The following STK33 variants were observed in gnomAD, a reference collection of about 807,000 sequenced individuals.
STK33 encodes serine/threonine-protein kinase 33.
A neutral mutation model predicts 58.0 loss-of-function variants in STK33; 52 were observed. That is an observed-to-expected ratio of 0.90 (90% CI 0.72 to 1.13). STK33 has a LOEUF of 1.13. STK33 is among the 50% of genes most tolerant of loss of function. The pLI is 0.00. For synonymous variants in STK33, 215 were observed against 200.1 expected (o/e 1.07, Z -0.63); for missense variants, 630 against 604.2 (o/e 1.04, Z -0.45).
chr11:8,428,131 A>G (rs1005173735), intron 14 of STK33, among the ~76,000 whole-genome samples: 1 of 152,212 alleles, frequency 6.6e-6, no homozygotes, highest in Non-Finnish European at 1.5e-5. Flanking sequence ...AGGAGGAGGT[A>G]CTCCTAAAGT....
intron 14 of STK33, among the ~76,000 whole-genome samples, chr11:8,420,999 G>A: frequency 6.6e-6 from 1 of 151,256 alleles, no homozygotes; most frequent in South Asian, 2.1e-4. Context: ...AAAAAGGGGA[G>A]GGGGGGAATA....
At chr11:8,458,235 G>A (rs745631629) in intron 8 of STK33, among the ~76,000 whole-genome samples, 10 of 152,136 alleles carry the variant, frequency 6.6e-5, no homozygotes, top group Non-Finnish European at 1.3e-4. Context: ...TGAAGGCCAT[G>A]GAGTCTCTTT....
chr11:8,380,168 T>C, the STK33 span, among the ~76,000 whole-genome samples: 1 of 152,314 alleles, frequency 6.6e-6, no homozygotes, highest in Non-Finnish European at 1.5e-5. Flanking sequence ...CTGGGTTGAA[T>C]GGTATTTGTG....
chr11:8,489,257 CA>C (rs377017514), intron 1 of STK33, among the ~76,000 whole-genome samples: 128 of 64,334 alleles, frequency 2.0e-3, no homozygotes, highest in Non-Finnish European at 2.9e-3. Flanking sequence ...AAGCTATCTC[CA>C]AAAAAAAAAA....
chr11:8,453,611 G>T (rs1463570616), intron 10 of STK33, among the ~76,000 whole-genome samples: 1 of 152,190 alleles, frequency 6.6e-6, no homozygotes, highest in Non-Finnish European at 1.5e-5. Context: ...TAAACATTTA[G>T]TTATTAAATA....
At chr11:8,521,056 T>A (rs1312226969) in intron 1 of STK33, among the ~76,000 whole-genome samples, 1 of 150,394 alleles carries the variant, frequency 6.6e-6, no homozygotes, top group South Asian at 2.1e-4. Flanking sequence ...AAATTATTTA[T>A]AATTTATAAT....
the STK33 span, among the ~76,000 whole-genome samples, chr11:8,384,785 C>T: frequency 6.6e-6 from 1 of 152,182 alleles, no homozygotes; most frequent in East Asian, 1.9e-4. Context: ...CTTACCCTGC[C>T]CCCTTGCCTT....
downstream of STK33, among the ~76,000 whole-genome samples, chr11:8,389,718 GAATT>G (rs1848591609): frequency 6.6e-6 from 1 of 152,174 alleles, no homozygotes; most frequent in Admixed American, 6.5e-5. Context: ...GAGTCAAATA[GAATT>G]ATTTAAACAA....
At chr11:8,358,844 A>G in the STK33 span, among the ~76,000 whole-genome samples, 4 of 152,212 alleles carry the variant, frequency 2.6e-5, no homozygotes, top group African/African-American at 9.7e-5. Flanking sequence ...CTTCCCACAT[A>G]GTTATTAATT....
At chr11:8,391,715 A>C (rs990202926), downstream of STK33, among the ~76,000 whole-genome samples, 3 of 152,222 alleles carry the variant, frequency 2.0e-5, no homozygotes, top group Non-Finnish European at 2.9e-5. Context: ...ATGTCTATAA[A>C]GCTAAGAGAA....
At chr11:8,335,196 C>T in the STK33 span, among the ~76,000 whole-genome samples, 3 of 152,194 alleles carry the variant, frequency 2.0e-5, no homozygotes, top group African/African-American at 7.2e-5. Context: ...ACCCTCAGCT[C>T]AGGCAACTCT....
the STK33 span, among the ~76,000 whole-genome samples, chr11:8,384,549 T>C: frequency 7.9e-5 from 12 of 152,370 alleles, no homozygotes; most frequent in African/African-American, 2.4e-4. Context: ...TGTTCACTTT[T>C]ATGTTCCGCC....
intron 1 of STK33, among the ~76,000 whole-genome samples, chr11:8,509,470 T>C (rs1447494591): frequency 1.3e-5 from 2 of 152,198 alleles, no homozygotes; most frequent in Non-Finnish European, 2.9e-5. Context: ...AATCTAATGA[T>C]GAATATGTTT....
intron 1 of STK33, among the ~76,000 whole-genome samples, chr11:8,589,914 T>C (rs2032324116): frequency 6.6e-6 from 1 of 152,218 alleles, no homozygotes; most frequent in African/African-American, 2.4e-5. Context: ...ATATTTGCTT[T>C]CTTCCCAATA....
chr11:8,538,236 T>C (rs1364840385), intron 1 of STK33, among the ~76,000 whole-genome samples: 2 of 152,148 alleles, frequency 1.3e-5, no homozygotes, highest in Non-Finnish European at 2.9e-5. Context: ...AATAGCATGA[T>C]GTGTCAGGCA....
intron 9 of STK33, among the ~76,000 whole-genome samples, chr11:8,455,339 T>C (rs535177060): frequency 6.6e-6 from 1 of 152,286 alleles, no homozygotes; most frequent in African/African-American, 2.4e-5. Flanking sequence ...TCCTACTCTT[T>C]ATGTAGTAAA....
chr11:8,562,788 T>C (rs901859253), intron 1 of STK33, among the ~76,000 whole-genome samples: 2 of 152,210 alleles, frequency 1.3e-5, no homozygotes, highest in Non-Finnish European at 2.9e-5. Context: ...CAAATATGCA[T>C]AGGATATTAA....
chr11:8,472,372 T>C (rs1018757291), intron 6 of STK33, among the ~76,000 whole-genome samples: 2 of 152,192 alleles, frequency 1.3e-5, no homozygotes, highest in Admixed American at 1.3e-4. Context: ...TTTCTAGCTT[T>C]TGATTTAAAG....
intron 15 of STK33, among the ~76,000 whole-genome samples, chr11:8,413,065 A>G (rs1940543381): frequency 6.6e-6 from 1 of 152,236 alleles, no homozygotes; most frequent in African/African-American, 2.4e-5. Flanking sequence ...GGTAGAGTAC[A>G]AAAATTATTA....
Sources: allele counts gnomAD v4.1 joint callset (sites outside exome capture counted in the v4.1 genomes callset), GRCh38; gene constraint gnomAD v4.1.1; transcripts MANE v1.5; gene names NCBI Gene and HGNC (gene_info 2026-07-23, HGNC 2026-07-21).